PTPRN: variants seen among roughly 807,000 people sequenced by gnomAD.
PTPRN encodes receptor-type tyrosine-protein phosphatase-like N.
PTPRN carries 70 observed loss-of-function variants against 108.5 expected under a neutral mutation model. The ratio of observed to expected loss-of-function variants is 0.65; its 90% confidence interval spans 0.53 to 0.79. The LOEUF (loss-of-function observed/expected upper bound fraction) is 0.79. PTPRN is among the 30% of genes least tolerant of loss of function. The pLI is 0.00. For synonymous variants in PTPRN, 496 were observed against 524.6 expected (o/e 0.95, Z 0.75); for missense variants, 1,136 against 1,295.5 (o/e 0.88, Z 1.89).
In PTPRN at chr2:219,300,184, T is replaced by C; in HGVS notation, c.1237A>G (p.Thr413Ala). The part of the protein sequence containing the change: ...ARTSPMPGHP[T>A]ASPTSSEVQQ... ...ACTTCACTGGAGGTAGGGCTGGCAG[T>C]GGGGTGTCCAGGCATGGGGGATGTG... The change falls in exon 9 of 23, where the codon ACT (threonine) becomes GCT (alanine). Residue 413 changes from threonine (T) to alanine (A), a missense_variant. Coordinates refer to ENST00000295718, the MANE Select transcript of PTPRN (RefSeq NM_002846.4). 1 of 1,612,338 alleles carries C rather than the reference T, an allele frequency of 6.2e-7. No individual in the cohort carries two copies. The highest frequency in any genetic ancestry group is 2.2e-5 in the East Asian group (1 of 44,814).
At chr2:219,306,192 A>C (rs1411170996) in intron 3 of PTPRN, among the ~76,000 whole-genome samples, 1 of 152,100 alleles carries the variant, frequency 6.6e-6, no homozygotes, top group Non-Finnish European at 1.5e-5. Context: ...TAAACCCAAA[A>C]AAACTTTGAC....
At chr2:219,299,578 G>T in intron 10 of PTPRN, 122 bp downstream of exon 10, 1 of 1,190,952 alleles carries the variant, frequency 8.4e-7, no homozygotes, top group Non-Finnish European at 1.2e-6. Flanking sequence ...CTTCAGTACA[G>T]CTGGGAGCAT....
In PTPRN at chr2:219,302,139, G is replaced by A. The variant is rs1559301898; in HGVS notation, c.992C>T (p.Pro331Leu). The A allele has an allele frequency of 1.3e-6, 2 of 1,576,678 alleles. No individual in the cohort carries two copies. The highest frequency in any genetic ancestry group is 1.2e-5 in the South Asian group (1 of 86,814). The change falls in exon 6 of 23, where the codon CCA becomes CTA. Residue 331 changes from proline (P) to leucine (L), a missense_variant and splice_region_variant. Transcript: ENST00000295718. The part of the protein sequence containing the change: ...GEKPASPAVQ[P>L]DAALQRLAAV... ...GTGGATGCTGAGGACCTTGTTACCT[G>A]GCTGCACAGCTGGGGAAGCAGGCTT...
intron 19 of PTPRN, chr2:219,292,489 C>T (rs1312992293): frequency 1.3e-5 from 2 of 152,194 alleles, no homozygotes; most frequent in East Asian, 3.8e-4. Flanking sequence ...AGCTATAGGA[C>T]CAGGTGACTT....
rs762213408 is a variant in PTPRN, at chr2:219,296,947, A to G, written c.2236+38T>C. The G allele has an allele frequency of 6.2e-7, 1 of 1,612,970 alleles. No homozygotes were observed. Among genetic ancestry groups the G allele is most frequent in the South Asian group, 1.1e-5 (1 of 91,030 alleles). On this transcript the variant is annotated intron_variant, in intron 15 of 22. Transcript: ENST00000295718. The surrounding 1 kb of genome is among the most constrained non-coding windows in gnomAD (Gnocchi z 6.0). ...AAGCCCTCCAGACCTCGCAGCAGAG[A>G]GAGGGCTGGGCCAGGTGGGCCAGCA...
At chr2:219,309,197 C>T in intron 1 of PTPRN, 21 bp downstream of exon 1, 1 of 1,482,640 alleles carries the variant, frequency 6.7e-7, no homozygotes, top group Non-Finnish European at 9.1e-7. Context: ...CACCACCCGC[C>T]AGCCCAAGTT....
intron 19 of PTPRN, chr2:219,294,313 G>A (rs1952121413): frequency 5.2e-6 from 2 of 385,882 alleles, no homozygotes; most frequent in Non-Finnish European, 1.1e-5. Flanking sequence ...GGCAGACAGG[G>A]GAAGGAGGTG....
Position 219,295,205 on chromosome 2 carries a change from C to G in PTPRN, c.2509-64G>C, listed in dbSNP as rs1313705425. On this transcript the variant is annotated intron_variant, in intron 18 of 22. Coordinates refer to ENST00000295718, the MANE Select transcript of PTPRN (RefSeq NM_002846.4). Reference sequence around the variant, plus strand: ...CCCCAGTCCCCGCGTTGCGCGCGCTCTCCTCGCGACCTTCTCGGTCTCTCC... The same window carrying G: ...CCCCAGTCCCCGCGTTGCGCGCGCTGTCCTCGCGACCTTCTCGGTCTCTCC... 1.9e-6 allele frequency: 3 copies of G among 1,561,394 alleles called. No homozygotes were observed. The African/African-American group carries it at 4.2e-5, about 22-fold the overall frequency.
chr2:219,308,499 G>T (rs1025646460), intron 1 of PTPRN, among the ~76,000 whole-genome samples: 2 of 152,212 alleles, frequency 1.3e-5, no homozygotes, highest in African/African-American at 2.4e-5. Context: ...TCCAAGCCCG[G>T]GTGGGGAAAG....
chr2:219,295,451 G>A (rs763382382), intron 18 of PTPRN: 6 of 279,800 alleles, frequency 2.1e-5, no homozygotes, highest in Non-Finnish European at 4.0e-5. Flanking sequence ...ATGAAATTCT[G>A]TAGTATTCTT....
At chr2:219,291,574 A>G in intron 19 of PTPRN, 51 bp from the exon 20 acceptor site, 1 of 1,561,232 alleles carries the variant, frequency 6.4e-7, no homozygotes, top group Non-Finnish European at 8.8e-7. Flanking sequence ...AGAGAGGGAA[A>G]GGGAAGCTGA....
rs1239483265 is a variant in PTPRN, at chr2:219,309,230, C to T, written c.103G>A (p.Val35Ile). 9 of 1,415,274 alleles carry T rather than the reference C, an allele frequency of 6.4e-6. No homozygotes were observed. The highest frequency in any genetic ancestry group is 5.8e-5 in the East Asian group (2 of 34,566). 87.7% of individuals were successfully genotyped at this position (1,415,274 alleles called of 1,614,324 possible). ...GTTTCCTCCTGACCGTGGGCACTAACGGCGCTGCAGCCCCCCGGGCGGCTG... is the reference window on the plus strand; with the variant it reads ...GTTTCCTCCTGACCGTGGGCACTAATGGCGCTGCAGCCCCCCGGGCGGCTG... Reference protein sequence around the residue: ...LSSRPGGCSAVSAHGCLFDRR... With the variant: ...LSSRPGGCSAISAHGCLFDRR... The change falls in exon 1 of 23, where the codon GTT becomes ATT. Residue 35 changes from valine (V) to isoleucine (I), a missense_variant. Val to Ile is a conservative substitution (Grantham distance 29, BLOSUM62 3). Coordinates refer to ENST00000295718, the MANE Select transcript of PTPRN (RefSeq NM_002846.4).
At chr2:219,303,644 G>T in intron 4 of PTPRN, 91 bp downstream of exon 4, 1 of 1,239,542 alleles carries the variant, frequency 8.1e-7, no homozygotes, top group Non-Finnish European at 1.2e-6. Flanking sequence ...TGGCCTTGGT[G>T]CCCACTTCCT....
Position 219,296,231 on chromosome 2 carries a change from A to G in PTPRN, c.2503T>C (p.Tyr835His), listed in dbSNP as rs1553579662. The G allele has an allele frequency of 3.7e-6, 6 of 1,613,992 alleles. No individual in the cohort carries two copies. Among genetic ancestry groups the G allele is most frequent in the Middle Eastern group, 1.6e-4 (1 of 6,082 alleles). Reference protein sequence around the residue: ...PDEGASLYHVYEVNLVSEHIW... With the variant: ...PDEGASLYHVHEVNLVSEHIW... ...TGCTGTGGGGCCCTGCTGACCTCAT[A>G]TACGTGGTAGAGGGAGGCACCCTCA... Residue 835 changes from tyrosine to histidine, a missense_variant, in exon 18 of 23, where the codon TAT becomes CAT. Tyr to His is a moderately conservative substitution (Grantham distance 83). Transcript: ENST00000295718. The surrounding 1 kb of genome is among the most constrained non-coding windows in gnomAD (Gnocchi z 6.0).
In PTPRN at chr2:219,300,225, G is replaced by A. The variant is rs754034160; in HGVS notation, c.1196C>T (p.Ala399Val). ...GGGGGATGTGCGGGCTGGAAGCTCT[G>A]CTGTGTCTCTGCCCTCCACCGGCCC... ...MEGPVEGRDT[A>V]ELPARTSPMP... is the part of the protein sequence containing the mutation. Residue 399 changes from alanine (A) to valine (V), a missense_variant, in exon 9 of 23, where the codon GCA becomes GTA. By Grantham distance (64) the Ala-to-Val change is moderately conservative (BLOSUM62 0). Coordinates refer to ENST00000295718, the MANE Select transcript of PTPRN (RefSeq NM_002846.4). 6.3e-7 allele frequency: 1 copy of A among 1,593,892 alleles called. No individual in the cohort carries two copies.
At chr2:219,302,884 T>G (rs373855279) in intron 4 of PTPRN, 47 bp from the exon 5 acceptor site, 3 of 1,586,940 alleles carry the variant, frequency 1.9e-6, no homozygotes, top group Non-Finnish European at 2.6e-6. Flanking sequence ...GGAAAGGGCA[T>G]AGAGAGCCTG....
Position 219,300,255 on chromosome 2 carries a change from A to T in PTPRN, c.1166T>A (p.Met389Lys). 1.9e-6 allele frequency: 3 copies of T among 1,565,694 alleles called. No homozygotes were observed. Among genetic ancestry groups the T allele is most frequent in the Non-Finnish European group, 2.6e-6 (3 of 1,154,524 alleles). The change falls in exon 9 of 23, where the codon ATG becomes AAG. Residue 389 changes from methionine (M) to lysine (K), a missense_variant. Transcript: ENST00000295718. ...GTCTCTGCCCTCCACCGGCCCCTCC[A>T]TTGTCTGTTCAGAAGAGGGTGGAGG... ...VNVGADIKKT[M>K]EGPVEGRDTA...
In PTPRN at chr2:219,296,563, T is replaced by C. The variant is rs1239391852; in HGVS notation, c.2311-47A>G. On this transcript the variant is annotated intron_variant, in intron 16 of 22. Transcript: ENST00000295718. This position sits in a 1 kb window ranked among gnomAD's most constrained non-coding sequence, Gnocchi z 6.0. The stretch of plus-strand genomic sequence containing the variant: ...CATGAGCCAGTGTGGGAAATGCCAC[T>C]ATGGACAGGCGTGGTCAGAGCAAGT... The C allele has an allele frequency of 1.9e-6, 3 of 1,607,852 alleles. No homozygotes were observed. Among genetic ancestry groups the C allele is most frequent in the East Asian group, 2.2e-5 (1 of 44,856 alleles).
Position 219,298,104 on chromosome 2 carries a change from C to G in PTPRN, c.1669-1G>C. The stretch of plus-strand genomic sequence containing the variant: ...GAAGGACTGCAGCTGCCTCCTCCCT[C>G]TGTGGGAACAAGGCTAGAATCAAGG... On this transcript the variant is annotated splice_acceptor_variant, in intron 12 of 22. Coordinates refer to ENST00000295718, the MANE Select transcript of PTPRN (RefSeq NM_002846.4). LOFTEE classifies it high-confidence loss of function. The G allele has an allele frequency of 6.2e-7, 1 of 1,611,626 alleles. No homozygotes were observed. Among genetic ancestry groups the G allele is most frequent in the Non-Finnish European group, 8.5e-7 (1 of 1,179,714 alleles).
Sources: allele counts gnomAD v4.1 joint callset (sites outside exome capture counted in the v4.1 genomes callset), GRCh38; gene constraint gnomAD v4.1.1; non-coding constraint Gnocchi (gnomAD v3.1); transcripts MANE v1.5; gene names NCBI Gene and HGNC (gene_info 2026-07-23, HGNC 2026-07-21).